CCDC7: variants seen among roughly 807,000 people sequenced by gnomAD.
The protein encoded by CCDC7 is coiled-coil domain containing 7.
In CCDC7, 183 loss-of-function variants were observed where a neutral mutation model predicts 196.9. The ratio of observed to expected loss-of-function variants is 0.93; its 90% confidence interval spans 0.82 to 1.05. The LOEUF (loss-of-function observed/expected upper bound fraction) is 1.05, where lower values mean the gene tolerates loss of function less well. CCDC7 is among the 50% of genes least tolerant of loss of function. The pLI is 0.00. For synonymous variants in CCDC7, 525 were observed against 484.6 expected (o/e 1.08, Z -1.10); for missense variants, 1,540 against 1,482.2 (o/e 1.04, Z -0.64).
At chr10:32,724,926 T>C (rs1357259421) in intron 25 of CCDC7, among the ~76,000 whole-genome samples, 1 of 152,108 alleles carries the variant, frequency 6.6e-6, no homozygotes, top group East Asian at 1.9e-4. Context: ...CTGTCTTCCA[T>C]AACTGCCAGA....
At chr10:32,456,314 G>A (rs1336425878) in exon 3 of CCDC7, 2 of 1,571,708 alleles carry the variant, frequency 1.3e-6, no homozygotes, top group Non-Finnish European at 1.7e-6. Flanking sequence ...GCTAGAAGAA[G>A]CACTTAAAGA....
At chr10:32,657,883 A>G (rs1383954930) in intron 20 of CCDC7, among the ~76,000 whole-genome samples, 2 of 152,206 alleles carry the variant, frequency 1.3e-5, no homozygotes. Context: ...TTCTTCTGCC[A>G]GATACCATAA....
intron 28 of CCDC7, among the ~76,000 whole-genome samples, chr10:32,776,981 G>A (rs967607881): frequency 6.6e-6 from 1 of 152,036 alleles, no homozygotes; most frequent in South Asian, 2.1e-4. Context: ...GTGATGCTGA[G>A]GTCTGTGGTA....
chr10:32,772,675 T>C (rs1471928477), intron 28 of CCDC7, among the ~76,000 whole-genome samples: 1 of 152,236 alleles, frequency 6.6e-6, no homozygotes, highest in Admixed American at 6.5e-5. Context: ...TGGCTGCCCT[T>C]GGTCCACACT....
intron 5 of CCDC7, among the ~76,000 whole-genome samples, chr10:32,470,715 G>A (rs2133893879): frequency 1.3e-5 from 2 of 152,160 alleles, no homozygotes; most frequent in African/African-American, 4.8e-5. Flanking sequence ...TACAGTAAGG[G>A]TATTCTTAAA....
intron 29 of CCDC7, among the ~76,000 whole-genome samples, chr10:32,804,268 A>G (rs916144664): frequency 6.6e-6 from 1 of 152,142 alleles, no homozygotes; most frequent in African/African-American, 2.4e-5. Flanking sequence ...TTTTCCTGTT[A>G]TTAAACATGG....
At chr10:32,627,035 T>A (rs199801626) in intron 18 of CCDC7, among the ~76,000 whole-genome samples, 2 of 5,578 alleles carry the variant, frequency 3.6e-4, no homozygotes, top group Non-Finnish European at 1.1e-3. Flanking sequence ...GCTATTCAGG[T>A]TTTTTTTTTT....
chr10:32,633,213 GCA>G (rs5784300), intron 18 of CCDC7, among the ~76,000 whole-genome samples: 67,621 of 150,916 alleles, frequency 0.45, 15,582 homozygotes, highest in African/African-American at 0.51. Flanking sequence ...GCGCGTGCAC[GCA>G]CACACACACA....
intron 27 of CCDC7, 27 bp from the exon 29 acceptor site, chr10:32,729,305 A>C: frequency 6.5e-7 from 1 of 1,534,722 alleles, no homozygotes; most frequent in Non-Finnish European, 8.8e-7. Context: ...CAGAAGTTCT[A>C]TTGCACATCT....
intron 21 of CCDC7, among the ~76,000 whole-genome samples, chr10:32,684,732 T>A (rs2076263703): frequency 6.6e-6 from 1 of 152,240 alleles, no homozygotes; most frequent in Non-Finnish European, 1.5e-5. Context: ...GTATTGCAGT[T>A]CCAAAATTAT....
At chr10:32,483,499 A>C (rs149505925) in intron 8 of CCDC7, among the ~76,000 whole-genome samples, 6,532 of 152,218 alleles carry the variant, frequency 0.043, 146 homozygotes, top group Middle Eastern at 0.065. Flanking sequence ...CTGTAGTTTA[A>C]TTCGATCCCA....
intron 32 of CCDC7, among the ~76,000 whole-genome samples, chr10:32,831,588 T>A (rs765511462): frequency 1.5e-4 from 23 of 152,280 alleles, no homozygotes; most frequent in Non-Finnish European, 2.4e-4. Flanking sequence ...TGCTTTCTAT[T>A]TAATTTTTTT....
At chr10:32,846,985 T>G (rs2093324130) in intron 37 of CCDC7, among the ~76,000 whole-genome samples, 1 of 152,212 alleles carries the variant, frequency 6.6e-6, no homozygotes, top group Non-Finnish European at 1.5e-5. Flanking sequence ...AAGGGTGTTA[T>G]GTAGTTATAC....
chr10:32,739,939 A>G (rs893048027), intron 28 of CCDC7, among the ~76,000 whole-genome samples: 1 of 151,582 alleles, frequency 6.6e-6, no homozygotes, highest in African/African-American at 2.4e-5. Flanking sequence ...GTAATCTGCT[A>G]TTATTATGCA....
At chr10:32,505,925 C>T (rs1468194654) in intron 9 of CCDC7, among the ~76,000 whole-genome samples, 12 of 131,082 alleles carry the variant, frequency 9.2e-5, no homozygotes, top group Non-Finnish European at 1.3e-4. Flanking sequence ...GGGTGGCGGC[C>T]GGGCAGAGGT....
intron 18 of CCDC7, among the ~76,000 whole-genome samples, chr10:32,592,762 A>T (rs1487167850): frequency 6.6e-6 from 1 of 151,800 alleles, no homozygotes; most frequent in Non-Finnish European, 1.5e-5. Context: ...ATGTGTTCTC[A>T]TTGTTCAGTT....
intron 28 of CCDC7, among the ~76,000 whole-genome samples, chr10:32,761,968 TTCTC>T (rs2077532501): frequency 6.6e-6 from 1 of 151,950 alleles, no homozygotes. Flanking sequence ...CATGGATCAA[TTCTC>T]TCTGAGAGCC....
intron 3 of CCDC7, among the ~76,000 whole-genome samples, chr10:32,457,420 C>A (rs531295974): frequency 6.6e-6 from 1 of 152,150 alleles, no homozygotes; most frequent in South Asian, 2.1e-4. Flanking sequence ...TTTCTTTATT[C>A]ATTTGTCTAT....
chr10:32,674,503 G>A (rs2074594105), intron 21 of CCDC7, among the ~76,000 whole-genome samples: 2 of 151,970 alleles, frequency 1.3e-5, no homozygotes, highest in Non-Finnish European at 2.9e-5. Flanking sequence ...TTGTGATATA[G>A]CATGTGATTT....
Sources: gnomAD v4.1 joint callset for allele counts (sites outside exome capture counted in the v4.1 genomes callset) on GRCh38, gnomAD v4.1.1 for gene constraint, MANE v1.5 for transcripts, NCBI Gene and HGNC (gene_info 2026-07-23, HGNC 2026-07-21) for gene names.